Variants in KCNMA1 observed in about 807,000 individuals in gnomAD.
KCNMA1 encodes the protein potassium calcium-activated channel subfamily M alpha 1.
A neutral mutation model predicts 140.0 loss-of-function variants in KCNMA1; 29 were observed. That is an observed-to-expected ratio of 0.21 (90% CI 0.15 to 0.28). The LOEUF (loss-of-function observed/expected upper bound fraction) is 0.28. KCNMA1 is among the 10% of genes least tolerant of loss of function. The pLI is 1.00. For missense variants in KCNMA1, 880 were observed against 1,602.2 expected (o/e 0.55, Z 7.70); for synonymous variants, 612 against 611.9 (o/e 1.00, Z 0.00).
At chr10:77,486,242 AC>A (rs369788210) in intron 1 of KCNMA1, among the ~76,000 whole-genome samples, 9 of 152,156 alleles carry the variant, frequency 5.9e-5, no homozygotes, top group Non-Finnish European at 1.3e-4. Context: ...TCTTTCCTCA[AC>A]CTCACCTCAT....
rs920320676 is a variant in KCNMA1 at position 76,913,738 on chromosome 10, C to T, written c.3016+1198G>A. ...GAGTAGAAGGGAGAAGGCGGGAGAG[C>T]GGGGTGACAAAAAAAAGTGGGGAAA... On this transcript the variant is annotated intron_variant, in intron 24 of 27. Coordinates refer to ENST00000286628, the MANE Select transcript of KCNMA1 (RefSeq NM_001161352.2). 9 of 288,236 alleles carry T rather than the reference C, an allele frequency of 3.1e-5. No homozygotes were observed. The East Asian group carries it at 3.2e-4, about 10-fold the overall frequency. 17.9% of individuals were successfully genotyped at this position (288,236 alleles called of 1,614,324 possible).
At chr10:77,403,751 C>A in intron 2 of KCNMA1, 111 bp downstream of exon 2, 1 of 1,114,258 alleles carries the variant, frequency 9.0e-7, no homozygotes, top group South Asian at 1.5e-5. Flanking sequence ...CCCCCACCTC[C>A]CAATAGCCAG....
intron 24 of KCNMA1, chr10:76,914,032 T>C: frequency 2.0e-6 from 3 of 1,499,628 alleles, no homozygotes; most frequent in Non-Finnish European, 2.7e-6. Flanking sequence ...GAGATACTGA[T>C]GTGAAGGAAA....
intron 18 of KCNMA1, among the ~76,000 whole-genome samples, chr10:77,004,726 C>T (rs1036470281): frequency 6.6e-6 from 1 of 152,046 alleles, no homozygotes; most frequent in Non-Finnish European, 1.5e-5. Flanking sequence ...TGGAAATTAC[C>T]ACCCCTCATC....
intron 1 of KCNMA1, among the ~76,000 whole-genome samples, chr10:77,418,430 AGTGGGGGACTCTTTTGCCTAACATG>A (rs2096790800): frequency 6.6e-6 from 1 of 152,134 alleles, no homozygotes; most frequent in Non-Finnish European, 1.5e-5. Context: ...CCAGCTTGTC[AGTGGGGGACTCTTTTGCCTAACATG>A]GTTGAGGAAT....
At chr10:77,283,974 C>A (rs139070164) in intron 2 of KCNMA1, among the ~76,000 whole-genome samples, 1 of 151,948 alleles carries the variant, frequency 6.6e-6, no homozygotes, top group Non-Finnish European at 1.5e-5. Context: ...GGGTGAAAGG[C>A]GTGTGCTGTG....
chr10:77,037,451 C>T (rs1364560168), intron 15 of KCNMA1, among the ~76,000 whole-genome samples: 3 of 152,186 alleles, frequency 2.0e-5, no homozygotes, highest in Admixed American at 6.5e-5. Flanking sequence ...TTGATATCTA[C>T]GTGAGTCAAA....
intron 1 of KCNMA1, among the ~76,000 whole-genome samples, chr10:77,500,454 C>A (rs1301313196): frequency 6.6e-6 from 1 of 152,038 alleles, no homozygotes; most frequent in Non-Finnish European, 1.5e-5. Context: ...TTGAAACCAG[C>A]CAGGGCAATA....
intron 2 of KCNMA1, among the ~76,000 whole-genome samples, chr10:77,338,955 C>A (rs975654884): frequency 6.6e-5 from 10 of 152,114 alleles, no homozygotes; most frequent in African/African-American, 2.4e-4. Flanking sequence ...AGCCCAGATG[C>A]GTCTCTAGAG....
chr10:77,073,684 G>A (rs572320256), intron 13 of KCNMA1, among the ~76,000 whole-genome samples: 3 of 152,264 alleles, frequency 2.0e-5, no homozygotes, highest in Non-Finnish European at 2.9e-5. Flanking sequence ...CATCAGGAGC[G>A]GGCATCAGAA....
intron 3 of KCNMA1, among the ~76,000 whole-genome samples, chr10:77,188,708 C>T (rs2098906899): frequency 6.6e-6 from 1 of 152,186 alleles, no homozygotes; most frequent in African/African-American, 2.4e-5. Flanking sequence ...TTTCTCTTTC[C>T]TCATCTACTT....
At chr10:77,607,677 G>A (rs1185270100) in intron 1 of KCNMA1, among the ~76,000 whole-genome samples, 2 of 152,118 alleles carry the variant, frequency 1.3e-5, no homozygotes, top group Non-Finnish European at 2.9e-5. Flanking sequence ...GTGGCTACTG[G>A]AAGCTGCAAA....
At chr10:77,555,161 G>T (rs2063938855) in intron 1 of KCNMA1, among the ~76,000 whole-genome samples, 1 of 152,128 alleles carries the variant, frequency 6.6e-6, no homozygotes, top group African/African-American at 2.4e-5. Flanking sequence ...GTGGGCTGGG[G>T]AGCTGGGGAG....
chr10:76,981,589 C>T (rs761089356), intron 19 of KCNMA1, among the ~76,000 whole-genome samples: 2 of 152,060 alleles, frequency 1.3e-5, no homozygotes, highest in Non-Finnish European at 2.9e-5. Flanking sequence ...AGAGGCATGG[C>T]GGGGTAGAGA....
chr10:77,346,671 C>T (rs2092205126), intron 2 of KCNMA1, among the ~76,000 whole-genome samples: 1 of 152,158 alleles, frequency 6.6e-6, no homozygotes, highest in South Asian at 2.1e-4. Context: ...AGTAAACAGA[C>T]TCATTGGGGT....
chr10:77,192,478 GT>G (rs1320556132), intron 3 of KCNMA1, among the ~76,000 whole-genome samples: 2 of 152,130 alleles, frequency 1.3e-5, no homozygotes, highest in Non-Finnish European at 2.9e-5. Context: ...CAGCTAGGTA[GT>G]TTTAGAATTC....
intron 1 of KCNMA1, among the ~76,000 whole-genome samples, chr10:77,507,628 G>A (rs1454527902): frequency 6.6e-6 from 1 of 152,182 alleles, no homozygotes; most frequent in African/African-American, 2.4e-5. Flanking sequence ...GAGACAACAT[G>A]CCCAAGCTAT....
intron 20 of KCNMA1, among the ~76,000 whole-genome samples, chr10:76,968,849 C>T (rs1390325778): frequency 6.6e-6 from 1 of 152,222 alleles, no homozygotes; most frequent in Non-Finnish European, 1.5e-5. Context: ...TGAAGAAAGA[C>T]TGCCCTTGCC....
chr10:77,483,044 C>T (rs2098419672), intron 1 of KCNMA1, among the ~76,000 whole-genome samples: 2 of 143,230 alleles, frequency 1.4e-5, no homozygotes, highest in Admixed American at 7.0e-5. Context: ...ACACACACCC[C>T]TTGTTCTTCT....
Sources: gnomAD v4.1 joint callset for allele counts (sites outside exome capture counted in the v4.1 genomes callset) on GRCh38, gnomAD v4.1.1 for gene constraint, MANE v1.5 for transcripts, NCBI Gene and HGNC (gene_info 2026-07-23, HGNC 2026-07-21) for gene names.